C16orf87: variants seen among roughly 807,000 people sequenced by gnomAD.
C16orf87 encodes HDAC and MIER1 interacting protein 1.
A neutral mutation model predicts 21.0 loss-of-function variants in C16orf87; 13 were observed. That is an observed-to-expected ratio of 0.62 (90% CI 0.40 to 0.98). The LOEUF (loss-of-function observed/expected upper bound fraction) is 0.98, where lower values mean the gene tolerates loss of function less well. Among genes scored for constraint, C16orf87 ranks in the 50% least tolerant of loss-of-function variants. C16orf87 has a pLI of 0.00. For synonymous variants in C16orf87, 49 were observed against 60.2 expected, an observed-to-expected ratio of 0.81 and a Z score of 0.86; for missense variants, 113 against 180.4, an observed-to-expected ratio of 0.63 and a Z score of 2.14.
chr16:46,804,381 T>C (rs980974916), intron 3 of C16orf87, among the ~76,000 whole-genome samples: 1 of 152,232 alleles, frequency 6.6e-6, no homozygotes, highest in African/African-American at 2.4e-5. Context: ...TTTCTTCATT[T>C]TGGTAGCAGG....
chr16:46,799,696 C>T lies in C16orf87; in HGVS notation c.*3256G>A, dbSNP rs1421916782. ...ACACAGGGTGTTTCTTGCTCTGCCTCCCAGGCTGGAGTGCAGTGGCAAGAT... is the reference window on the plus strand; with the variant it reads ...ACACAGGGTGTTTCTTGCTCTGCCTTCCAGGCTGGAGTGCAGTGGCAAGAT... On this transcript the variant is annotated 3_prime_UTR_variant, in exon 4 of 4. Coordinates refer to ENST00000285697, the MANE Select transcript of C16orf87 (RefSeq NM_001001436.4). 2 of 152,228 alleles carry T rather than the reference C, an allele frequency of 1.3e-5. No homozygotes were observed. Among genetic ancestry groups the T allele is most frequent in the African/African-American group, 4.8e-5 (2 of 41,454 alleles). 9.4% of individuals were successfully genotyped at this position (152,228 alleles called of 1,614,324 possible).
chr16:46,824,819 C>T (rs1490930379), intron 1 of C16orf87, among the ~76,000 whole-genome samples: 1 of 151,998 alleles, frequency 6.6e-6, no homozygotes, highest in African/African-American at 2.4e-5. Flanking sequence ...GCACACGCTA[C>T]CATGCCCAGC....
At position 46,831,115 on chromosome 16, in the gene C16orf87, G is replaced by A; in HGVS notation, c.35C>T (p.Ala12Val). 6.3e-7 allele frequency: 1 copy of A among 1,583,034 alleles called. No homozygotes were observed. The highest frequency in any genetic ancestry group is 8.6e-7 in the Non-Finnish European group (1 of 1,163,148). Reference sequence around the variant, plus strand: ...GTCGCACTCGGGGCATGATTTGGTGGCCATCTTCACTTTCTTGGCTCGAGT... The same window carrying A: ...GTCGCACTCGGGGCATGATTTGGTGACCATCTTCACTTTCTTGGCTCGAGT... Reference protein sequence around the residue: ...SATRAKKVKMATKSCPECDQQ... With the variant: ...SATRAKKVKMVTKSCPECDQQ... The change falls in exon 1 of 4, where the codon GCC (alanine) becomes GTC (valine). Residue 12 changes from alanine to valine, a missense_variant. By Grantham distance (64) the Ala-to-Val change is moderately conservative. Transcript: ENST00000285697.
In C16orf87 at chr16:46,802,778, T is replaced by C. The variant is rs1463257464; in HGVS notation, c.*174A>G. The C allele has an allele frequency of 2.2e-5, 12 of 535,960 alleles. No homozygotes were observed. Among genetic ancestry groups the C allele is most frequent in the Non-Finnish European group, 3.7e-5 (11 of 297,820 alleles). The allele number at this position is 535,960 out of a possible 1,614,324, so 33.2% of individuals were successfully genotyped here. ...GGTAAACAAGGAAATCCCAGAACAG[T>C]CCAAGCCTACACAGCTTTGCTCCCG... On this transcript the variant is annotated 3_prime_UTR_variant, in exon 4 of 4. Coordinates refer to ENST00000285697, the MANE Select transcript of C16orf87 (RefSeq NM_001001436.4).
At chr16:46,818,978 C>T (rs1189904266) in intron 2 of C16orf87, among the ~76,000 whole-genome samples, 3 of 152,236 alleles carry the variant, frequency 2.0e-5, no homozygotes, top group African/African-American at 7.2e-5. Flanking sequence ...CTCCATAGGG[C>T]ATAGGCCAAG....
intron 3 of C16orf87, 126 bp downstream of exon 3, chr16:46,809,477 A>C (rs966993204): frequency 4.7e-6 from 3 of 644,766 alleles, no homozygotes; most frequent in Non-Finnish European, 8.2e-6. Context: ...AAATGCTTTC[A>C]AACTAAAATA....
chr16:46,806,742 G>A (rs1357243692), intron 3 of C16orf87, among the ~76,000 whole-genome samples: 3 of 152,130 alleles, frequency 2.0e-5, no homozygotes, highest in African/African-American at 7.2e-5. Context: ...ATATTATTAT[G>A]ATGATGTCTA....
At chr16:46,826,016 A>C (rs1253599186) in intron 1 of C16orf87, among the ~76,000 whole-genome samples, 1 of 152,110 alleles carries the variant, frequency 6.6e-6, no homozygotes, top group Admixed American at 6.5e-5. Flanking sequence ...TGAGGGGCAA[A>C]AGTATGCTGA....
rs1160228625 is a variant in C16orf87 at position 46,815,537 on chromosome 16, TCAA to T, written c.164-5755_164-5753del. ...CAGAATAATATAAAGAATTTACAAG[TCAA>T]CAACAACAACAAAAAAAATCCCCAA... On this transcript the variant is annotated intron_variant, in intron 2 of 3. Coordinates refer to ENST00000285697, the MANE Select transcript of C16orf87 (RefSeq NM_001001436.4). Among the ~76,000 whole-genome samples, 5 of 151,780 alleles carry T rather than the reference TCAA, an allele frequency of 3.3e-5. No homozygotes were observed. In the East Asian group the frequency reaches 5.8e-4, roughly 18 times the overall value.
chr16:46,815,521 A>G (rs1968215499), intron 2 of C16orf87, among the ~76,000 whole-genome samples: 1 of 152,148 alleles, frequency 6.6e-6, no homozygotes, highest in Non-Finnish European at 1.5e-5. Flanking sequence ...TCAGAATAAT[A>G]TAAAGAATTT....
In C16orf87 at chr16:46,801,729, T is replaced by C. The variant is rs1967784355; in HGVS notation, c.*1223A>G. On this transcript the variant is annotated 3_prime_UTR_variant, in exon 4 of 4. Coordinates refer to ENST00000285697, the MANE Select transcript of C16orf87 (RefSeq NM_001001436.4). ...GTGATGGGAGATGCAGGATGAAGTC[T>C]GAAATTGATAATGTTACGGCTAAAA... The C allele has an allele frequency of 6.6e-6, 1 of 152,188 alleles. No homozygotes were observed. The highest frequency in any genetic ancestry group is 1.5e-5 in the Non-Finnish European group (1 of 68,036). The allele number at this position is 152,188 out of a possible 1,614,324, so 9.4% of individuals were successfully genotyped here.
chr16:46,830,246 TAGAG>T (rs928825681), intron 1 of C16orf87, among the ~76,000 whole-genome samples: 2 of 64,982 alleles, frequency 3.1e-5, no homozygotes, highest in African/African-American at 1.1e-4. Flanking sequence ...GATAGAGAGA[TAGAG>T]AGATAGAGAG....
At chr16:46,829,517 A>T (rs1215967548) in intron 1 of C16orf87, among the ~76,000 whole-genome samples, 1 of 152,244 alleles carries the variant, frequency 6.6e-6, no homozygotes, top group Non-Finnish European at 1.5e-5. Flanking sequence ...TGTGCCTTAC[A>T]GAAATTGGAA....
intron 2 of C16orf87, among the ~76,000 whole-genome samples, chr16:46,822,168 G>A (rs1046472917): frequency 3.3e-5 from 5 of 151,880 alleles, no homozygotes; most frequent in Admixed American, 1.3e-4. Flanking sequence ...CTCCTGCCTC[G>A]GCCTCCCAAA....
At chr16:46,806,310 C>T (rs1461534457) in intron 3 of C16orf87, among the ~76,000 whole-genome samples, 1 of 145,934 alleles carries the variant, frequency 6.9e-6, no homozygotes, top group African/African-American at 2.6e-5. Flanking sequence ...CAGGCTGGAG[C>T]ACAGTGACGC....
Position 46,802,061 on chromosome 16 carries a change from GTTTA to G in C16orf87, c.*887_*890del, listed in dbSNP as rs1282273906. On this transcript the variant is annotated 3_prime_UTR_variant, in exon 4 of 4. Coordinates refer to ENST00000285697, the MANE Select transcript of C16orf87 (RefSeq NM_001001436.4). Reference sequence around the variant, plus strand: ...TAATCTACTTAGTTTCAATATTAAGGTTTATTTTTTCTTCCAGATTGAAAGTAAC... The same window carrying G: ...TAATCTACTTAGTTTCAATATTAAGGTTTTTTCTTCCAGATTGAAAGTAAC... The G allele has an allele frequency of 6.6e-6, 1 of 151,974 alleles. No homozygotes were observed. Among genetic ancestry groups the G allele is most frequent in the Non-Finnish European group, 1.5e-5 (1 of 67,976 alleles). The allele number at this position is 151,974 out of a possible 1,614,324, so 9.4% of individuals were successfully genotyped here.
chr16:46,826,827 G>A (rs1051423292), intron 1 of C16orf87, among the ~76,000 whole-genome samples: 3 of 152,186 alleles, frequency 2.0e-5, no homozygotes, highest in African/African-American at 7.2e-5. Context: ...CCACAGTAAT[G>A]TAAATTGTTT....
At chr16:46,811,915 C>G (rs149078109) in intron 2 of C16orf87, among the ~76,000 whole-genome samples, 5 of 152,252 alleles carry the variant, frequency 3.3e-5, no homozygotes, top group Non-Finnish European at 5.9e-5. Flanking sequence ...ATAGCAAGAC[C>G]CTGTCTCAGC....
intron 2 of C16orf87, among the ~76,000 whole-genome samples, chr16:46,821,642 T>G (rs1959418727): frequency 6.6e-6 from 1 of 152,212 alleles, no homozygotes; most frequent in Admixed American, 6.5e-5. Flanking sequence ...GTGCTGTTGG[T>G]TTTTCTCCTA....
Sources: allele counts gnomAD v4.1 joint callset (sites outside exome capture counted in the v4.1 genomes callset), GRCh38; gene constraint gnomAD v4.1.1; transcripts MANE v1.5; gene names NCBI Gene and HGNC (gene_info 2026-07-23, HGNC 2026-07-21).